The following CACNA2D3 variants were observed in gnomAD, a reference collection of about 807,000 sequenced individuals.
The protein encoded by CACNA2D3 is voltage-dependent calcium channel subunit alpha-2/delta-3.
A neutral mutation model predicts 160.6 loss-of-function variants in CACNA2D3; 60 were observed. The observed-to-expected ratio is 0.37, with a 90% CI of 0.30 to 0.46. CACNA2D3 has a LOEUF of 0.46. Among genes scored for constraint, CACNA2D3 ranks in the 20% least tolerant of loss-of-function variants. The pLI is 1.00. For synonymous variants in CACNA2D3, 558 were observed against 492.9 expected, an observed-to-expected ratio of 1.13 and a Z score of -1.75; for missense variants, 1,205 against 1,365.0, an observed-to-expected ratio of 0.88 and a Z score of 1.85.
intron 11 of CACNA2D3, among the ~76,000 whole-genome samples, chr3:54,723,504 C>T (rs1701215176): frequency 1.3e-5 from 2 of 152,198 alleles, no homozygotes; most frequent in African/African-American, 2.4e-5. Context: ...GTGCTTGAAA[C>T]CCAGGGCCCT....
At chr3:54,722,601 A>G (rs1701189332) in intron 11 of CACNA2D3, among the ~76,000 whole-genome samples, 1 of 151,768 alleles carries the variant, frequency 6.6e-6, no homozygotes, top group Non-Finnish European at 1.5e-5. Flanking sequence ...CTTTGAGGGG[A>G]TGTGCTATTC....
intron 9 of CACNA2D3, among the ~76,000 whole-genome samples, chr3:54,620,590 T>A (rs939224369): frequency 6.6e-6 from 1 of 152,172 alleles, no homozygotes; most frequent in African/African-American, 2.4e-5. Context: ...AACCAAACAC[T>A]GAGTCCTTCT....
chr3:54,985,381 T>G lies in CACNA2D3; in HGVS notation c.2619+711T>G, dbSNP rs549952268. ...AACGAGTTTTTCCATTCAAATTTTC[T>G]GCATTAAAACTTTTCCTGCAATTAG... On this transcript the variant is annotated intron_variant, in intron 30 of 37. Transcript: ENST00000474759. 6.6e-5 allele frequency among the ~76,000 whole-genome samples: 10 copies of G among 152,340 alleles called. 2 individuals are homozygous for G. In the South Asian group the frequency reaches 1.7e-3, roughly 25 times the overall value.
At chr3:54,859,165 A>C (rs915272012) in intron 17 of CACNA2D3, among the ~76,000 whole-genome samples, 1 of 152,084 alleles carries the variant, frequency 6.6e-6, no homozygotes, top group South Asian at 2.1e-4. Context: ...TGCAGCTCAA[A>C]CCTCCAAATA....
At chr3:54,779,885 C>T (rs1308308036) in intron 13 of CACNA2D3, among the ~76,000 whole-genome samples, 2 of 152,130 alleles carry the variant, frequency 1.3e-5, no homozygotes, top group Admixed American at 1.3e-4. Flanking sequence ...TTTTGTCTAT[C>T]TCTTGAACAG....
intron 11 of CACNA2D3, among the ~76,000 whole-genome samples, chr3:54,667,728 T>A (rs886415773): frequency 9.9e-5 from 15 of 152,280 alleles, no homozygotes; most frequent in African/African-American, 3.6e-4. Flanking sequence ...GGGAATTGCT[T>A]GAGCCCAGGA....
intron 4 of CACNA2D3, among the ~76,000 whole-genome samples, chr3:54,413,424 C>A (rs191131079): frequency 0.1 from 14,564 of 145,492 alleles, 961 homozygotes; most frequent in Admixed American, 0.21. Flanking sequence ...ATATAGATAT[C>A]TATATATATA....
At chr3:54,225,364 T>C (rs1701652728) in intron 2 of CACNA2D3, among the ~76,000 whole-genome samples, 2 of 152,246 alleles carry the variant, frequency 1.3e-5, no homozygotes, top group African/African-American at 4.8e-5. Flanking sequence ...TGAAATTTCT[T>C]AACCACTGTG....
chr3:54,474,120 T>C (rs1034788657), intron 4 of CACNA2D3, among the ~76,000 whole-genome samples: 5 of 152,154 alleles, frequency 3.3e-5, no homozygotes, highest in Admixed American at 3.3e-4. Context: ...GCAGCACTAT[T>C]CACAATAGCA....
intron 5 of CACNA2D3, among the ~76,000 whole-genome samples, chr3:54,504,673 G>T (rs1014007374): frequency 6.6e-6 from 1 of 152,160 alleles, no homozygotes; most frequent in Non-Finnish European, 1.5e-5. Context: ...TCCCATCAAG[G>T]TTTCAAAGAT....
rs559844133 is a variant in CACNA2D3, at chr3:54,203,597, C to T, written c.204+80003C>T. Among the ~76,000 whole-genome samples the T allele has an allele frequency of 1.7e-4, 26 of 152,258 alleles. No individual in the cohort carries two copies. The South Asian group carries it at 4.2e-3, about 24-fold the overall frequency. ...GTTTTATTGAGTGGAAGCAGCTCTC[C>T]GCTGATGGGGAAGCCAGAAGGGAGA... On this transcript the variant is annotated intron_variant, in intron 2 of 37. Transcript: ENST00000474759.
chr3:54,261,613 G>A (rs972568743), intron 2 of CACNA2D3, among the ~76,000 whole-genome samples: 4 of 152,174 alleles, frequency 2.6e-5, no homozygotes, highest in African/African-American at 7.2e-5. Context: ...CCCCATGGGT[G>A]GAAGAACACT....
intron 4 of CACNA2D3, among the ~76,000 whole-genome samples, chr3:54,481,647 A>G (rs1479042672): frequency 6.6e-6 from 1 of 152,216 alleles, no homozygotes; most frequent in African/African-American, 2.4e-5. Context: ...AAGCTAATAG[A>G]CATTCTCATT....
At chr3:54,696,893 C>T (rs575482508) in intron 11 of CACNA2D3, among the ~76,000 whole-genome samples, 7 of 152,166 alleles carry the variant, frequency 4.6e-5, no homozygotes, top group Middle Eastern at 3.4e-3. Context: ...TTTGGGGAAC[C>T]CAGTAGTGAG....
At chr3:54,593,144 TA>T (rs1355684632) in intron 9 of CACNA2D3, among the ~76,000 whole-genome samples, 1 of 152,190 alleles carries the variant, frequency 6.6e-6, no homozygotes, top group Non-Finnish European at 1.5e-5. Flanking sequence ...CACTGCTTTT[TA>T]AATGTCATGA....
At chr3:54,420,752 C>G (rs1405339090) in intron 4 of CACNA2D3, among the ~76,000 whole-genome samples, 1 of 152,170 alleles carries the variant, frequency 6.6e-6, no homozygotes, top group Non-Finnish European at 1.5e-5. Flanking sequence ...AATAAATTAC[C>G]AAAAGTCACA....
At chr3:54,732,897 CA>C (rs1701417626) in intron 11 of CACNA2D3, among the ~76,000 whole-genome samples, 1 of 152,236 alleles carries the variant, frequency 6.6e-6, no homozygotes, top group South Asian at 2.1e-4. Flanking sequence ...CAAAAATTAA[CA>C]AATCTAAAAT....
rs559396540 is a variant in CACNA2D3, at chr3:55,011,930, T to A, written c.2875+2487T>A. 2.1e-4 allele frequency among the ~76,000 whole-genome samples: 31 copies of A among 150,636 alleles called. 1 individual carries two copies. In the East Asian group the frequency reaches 3.7e-3, roughly 18 times the overall value. On this transcript the variant is annotated intron_variant, in intron 34 of 37. Transcript: ENST00000474759. ...TTTTACTAATAGGAGTGAAAAAAAA[T>A]GAGATTTAAAAAAAATAAAATCAAT...
chr3:54,478,660 G>GTGTATATATATATATATATATATATA, intron 4 of CACNA2D3, among the ~76,000 whole-genome samples: 4 of 36,376 alleles, frequency 1.1e-4, no homozygotes, highest in African/African-American at 2.9e-4. Context: ...ATATGTGTGT[G>GTGTATATATATATATATATATATATA]TATATATATA....
Sources: allele counts gnomAD v4.1 joint callset (sites outside exome capture counted in the v4.1 genomes callset), GRCh38; gene constraint gnomAD v4.1.1; transcripts MANE v1.5; gene names NCBI Gene and HGNC (gene_info 2026-07-23, HGNC 2026-07-21).